RBFOX3: variants seen among roughly 807,000 people sequenced by gnomAD.
The protein encoded by RBFOX3 is RNA binding protein fox-1 homolog 3.
RBFOX3 carries 17 observed loss-of-function variants against 48.7 expected under a neutral mutation model. That is an observed-to-expected ratio of 0.35 (90% confidence interval 0.24 to 0.52). RBFOX3 has a LOEUF of 0.52. Among genes scored for constraint, RBFOX3 ranks in the 20% least tolerant of loss-of-function variants. The pLI is 0.94. For missense variants in RBFOX3, 382 were observed against 497.5 expected (o/e 0.77, Z 2.21); for synonymous variants, 212 against 209.5 (o/e 1.01, Z -0.10).
chr17:79,570,241 T>C (rs1242458254), intron 1 of RBFOX3, among the ~76,000 whole-genome samples: 1 of 150,810 alleles, frequency 6.6e-6, no homozygotes, highest in Non-Finnish European at 1.5e-5. Context: ...ATGGATGGTA[T>C]ATGAACAGAT....
chr17:79,432,208 G>A (rs143194327), intron 2 of RBFOX3, among the ~76,000 whole-genome samples: 4 of 152,216 alleles, frequency 2.6e-5, no homozygotes, highest in African/African-American at 9.6e-5. Flanking sequence ...GTGGCTGGAC[G>A]CTTGGGTTTT....
At chr17:79,607,049 C>T (rs1036352231) in intron 1 of RBFOX3, among the ~76,000 whole-genome samples, 3 of 152,076 alleles carry the variant, frequency 2.0e-5, no homozygotes, top group Non-Finnish European at 2.9e-5. Flanking sequence ...GTGAAAATAC[C>T]GCGCTGCTTT....
At chr17:79,253,885 G>A (rs934280940) in intron 3 of RBFOX3, among the ~76,000 whole-genome samples, 3 of 152,318 alleles carry the variant, frequency 2.0e-5, no homozygotes, top group South Asian at 2.1e-4. Context: ...GGATTACCAC[G>A]GAGGAAGCTC....
At chr17:79,605,790 G>A (rs1434183104) in intron 1 of RBFOX3, among the ~76,000 whole-genome samples, 13 of 152,150 alleles carry the variant, frequency 8.5e-5, no homozygotes, top group East Asian at 1.9e-4. Flanking sequence ...AGGAAACCAC[G>A]GAGGCTGAGG....
chr17:79,162,982 G>A (rs2047269452), intron 4 of RBFOX3, among the ~76,000 whole-genome samples: 1 of 152,248 alleles, frequency 6.6e-6, no homozygotes, highest in Admixed American at 6.5e-5. Flanking sequence ...TCTGTGACAT[G>A]CAGCTCTCGG....
At position 79,363,069 on chromosome 17, in the gene RBFOX3, T is replaced by A. The variant is rs2147334271; in HGVS notation, c.-174-55245A>T. Among the ~76,000 whole-genome samples the A allele has an allele frequency of 6.6e-6, 1 of 152,250 alleles. No individual in the cohort carries two copies. Among genetic ancestry groups the A allele is most frequent in the South Asian group, 2.1e-4 (1 of 4,820 alleles). ...ACGGGAAAGTAAAAATTCAGAGGCA[T>A]GACGCTTGCACATGCGAGGTTTCTG... On this transcript the variant is annotated intron_variant, in intron 2 of 14. Coordinates refer to ENST00000693108, the MANE Select transcript of RBFOX3 (RefSeq NM_001350451.2). This position sits in a 1 kb window ranked among gnomAD's most constrained non-coding sequence, Gnocchi z 4.7.
intron 4 of RBFOX3, among the ~76,000 whole-genome samples, chr17:79,190,440 C>CTACAACAAAAAAAAA (rs1024817953): frequency 7.8e-6 from 1 of 128,138 alleles, no homozygotes; most frequent in Non-Finnish European, 1.7e-5. Context: ...AACAAAAAAA[C>CTACAACAAAAAAAAA]AGAGTGAAGA....
chr17:79,372,890 C>T (rs6501300), intron 2 of RBFOX3, among the ~76,000 whole-genome samples: 76,960 of 151,574 alleles, frequency 0.51, 19,688 homozygotes, highest in East Asian at 0.65. Context: ...GGTGCAATTG[C>T]GTGAAATGAG....
At chr17:79,324,495 C>T (rs1463964484) in intron 2 of RBFOX3, among the ~76,000 whole-genome samples, 4 of 152,218 alleles carry the variant, frequency 2.6e-5, no homozygotes, top group African/African-American at 9.6e-5. Context: ...AGTGCCCCTT[C>T]TTCGATGGAG....
chr17:79,516,793 G>T (rs899319050), intron 1 of RBFOX3, among the ~76,000 whole-genome samples: 1 of 152,202 alleles, frequency 6.6e-6, no homozygotes, highest in Admixed American at 6.5e-5. Flanking sequence ...GCGCTGGAAC[G>T]ATCCCTGCCC....
rs2086320770 is a variant in RBFOX3 at position 79,361,377 on chromosome 17, T to A, written c.-174-53553A>T. Among the ~76,000 whole-genome samples the A allele has an allele frequency of 6.6e-6, 1 of 152,160 alleles. No homozygotes were observed. The highest frequency in any genetic ancestry group is 2.1e-4 in the South Asian group (1 of 4,820). On this transcript the variant is annotated intron_variant, in intron 2 of 14. Coordinates refer to ENST00000693108, the MANE Select transcript of RBFOX3 (RefSeq NM_001350451.2). The surrounding 1 kb of genome is among the most constrained non-coding windows in gnomAD (Gnocchi z 4.5). The stretch of plus-strand genomic sequence containing the variant: ...TCTGTGCAGGTGGCATGAGCTTGCA[T>A]CCCCCACTGCCTTCCTTGTGGAAAG...
intron 3 of RBFOX3, among the ~76,000 whole-genome samples, chr17:79,272,543 C>T (rs1416828405): frequency 6.6e-6 from 1 of 152,196 alleles, no homozygotes. Context: ...CGCGGGGCCA[C>T]GCAGGTCCCA....
rs117928114 is a variant in RBFOX3, at chr17:79,363,701, C to T, written c.-174-55877G>A. 0.012 allele frequency among the ~76,000 whole-genome samples: 1,831 copies of T among 152,068 alleles called. 15 individuals carry two copies. Among genetic ancestry groups the T allele is most frequent in the Non-Finnish European group, 0.019 (1,292 of 67,964 alleles). ...CACCAGCAGGTGTTTCAGGGACCTCCGACACGCCTCCAGAGCCCCCAACAC... is the reference window on the plus strand; with the variant it reads ...CACCAGCAGGTGTTTCAGGGACCTCTGACACGCCTCCAGAGCCCCCAACAC... On this transcript the variant is annotated intron_variant, in intron 2 of 14. Coordinates refer to ENST00000693108, the MANE Select transcript of RBFOX3 (RefSeq NM_001350451.2). This position sits in a 1 kb window ranked among gnomAD's most constrained non-coding sequence, Gnocchi z 4.7.
the RBFOX3 span, among the ~76,000 whole-genome samples, chr17:79,654,695 C>T: frequency 5.6e-3 from 847 of 152,314 alleles, 16 homozygotes; most frequent in East Asian, 0.018. Flanking sequence ...GAATTTTGTC[C>T]TTCAGAATCG....
intron 2 of RBFOX3, among the ~76,000 whole-genome samples, chr17:79,428,391 G>C (rs578071090): frequency 6.6e-6 from 1 of 152,194 alleles, no homozygotes; most frequent in African/African-American, 2.4e-5. Context: ...CCCAGCCTTC[G>C]CATCCAGGAA....
intron 1 of RBFOX3, among the ~76,000 whole-genome samples, chr17:79,501,369 G>T (rs1483298949): frequency 1.3e-5 from 2 of 152,340 alleles, no homozygotes; most frequent in Middle Eastern, 3.4e-3. Flanking sequence ...GAGGCTGGTT[G>T]TCTGCAGCCC....
intron 3 of RBFOX3, among the ~76,000 whole-genome samples, chr17:79,278,723 C>T (rs1033419815): frequency 6.6e-6 from 1 of 152,270 alleles, no homozygotes; most frequent in African/African-American, 2.4e-5. Flanking sequence ...AGCCTCTACC[C>T]TGTCCAGGAC....
rs376511934 is a variant in RBFOX3, at chr17:79,462,270, G to A, written c.-175+20184C>T. Among the ~76,000 whole-genome samples the A allele has an allele frequency of 2.4e-4, 36 of 152,358 alleles. No homozygotes were observed. In the East Asian group the frequency reaches 4.8e-3, roughly 20 times the overall value. On this transcript the variant is annotated intron_variant, in intron 2 of 14. Coordinates refer to ENST00000693108, the MANE Select transcript of RBFOX3 (RefSeq NM_001350451.2). ...TAACGATAAGATGCACAGGCTGCCT[G>A]AGCCTGACTCCCAGCTCTGCCACCA...
At chr17:79,383,837 G>A (rs2060232622) in intron 2 of RBFOX3, among the ~76,000 whole-genome samples, 1 of 152,170 alleles carries the variant, frequency 6.6e-6, no homozygotes, top group African/African-American at 2.4e-5. Flanking sequence ...AGCAGAAAGA[G>A]GCCTCCCTGG....
Sources: gnomAD v4.1 joint callset for allele counts (sites outside exome capture counted in the v4.1 genomes callset) on GRCh38, gnomAD v4.1.1 for gene constraint, Gnocchi (gnomAD v3.1) non-coding constraint, MANE v1.5 for transcripts, NCBI Gene and HGNC (gene_info 2026-07-23, HGNC 2026-07-21) for gene names.